C8orf34: variants seen among roughly 807,000 people sequenced by gnomAD.
The protein encoded by C8orf34 is uncharacterized protein C8orf34.
A neutral mutation model predicts 68.3 loss-of-function variants in C8orf34; 65 were observed. The observed-to-expected ratio is 0.95, with a 90% CI of 0.78 to 1.17. The LOEUF (loss-of-function observed/expected upper bound fraction) is 1.17. Among genes scored for constraint, C8orf34 ranks in the 50% most tolerant of loss-of-function variants. The pLI, the probability that C8orf34 is intolerant of heterozygous loss-of-function variation, is 0.00. For synonymous variants in C8orf34, 244 were observed against 241.2 expected (o/e 1.01, Z -0.11); for missense variants, 664 against 655.4 (o/e 1.01, Z -0.14).
chr8:68,602,185 G>T (rs1367573310), intron 7 of C8orf34, among the ~76,000 whole-genome samples: 1 of 152,134 alleles, frequency 6.6e-6, no homozygotes, highest in Admixed American at 6.6e-5. Context: ...GGGTGGAAGT[G>T]GAGTGCCAAC....
intron 10 of C8orf34, among the ~76,000 whole-genome samples, chr8:68,770,715 T>C (rs781469653): frequency 6.6e-6 from 1 of 152,180 alleles, no homozygotes; most frequent in Non-Finnish European, 1.5e-5. Flanking sequence ...ATAGTCACTT[T>C]TCAGAAAATA....
intron 10 of C8orf34, among the ~76,000 whole-genome samples, chr8:68,740,569 T>C (rs1822260248): frequency 6.6e-6 from 1 of 151,974 alleles, no homozygotes; most frequent in African/African-American, 2.4e-5. Flanking sequence ...ATGGCTATGA[T>C]TAAAAAGTCA....
At chr8:68,508,802 G>T (rs955925075) in intron 5 of C8orf34, among the ~76,000 whole-genome samples, 1 of 152,174 alleles carries the variant, frequency 6.6e-6, no homozygotes, top group Non-Finnish European at 1.5e-5. Context: ...TGGAAGCCAT[G>T]GCGACAAAAA....
chr8:68,417,275 A>C (rs930586792), intron 1 of C8orf34, among the ~76,000 whole-genome samples: 43 of 152,178 alleles, frequency 2.8e-4, no homozygotes, highest in Non-Finnish European at 5.1e-4. Flanking sequence ...ATTAAATTTT[A>C]AGTTTACTTT....
At chr8:68,680,565 A>T (rs548276599) in intron 8 of C8orf34, among the ~76,000 whole-genome samples, 55 of 152,248 alleles carry the variant, frequency 3.6e-4, no homozygotes, top group Admixed American at 1.2e-3. Context: ...AGCTACAAAG[A>T]TCACATGCTT....
chr8:68,507,535 A>G (rs1490252146), intron 5 of C8orf34, among the ~76,000 whole-genome samples: 7 of 152,196 alleles, frequency 4.6e-5, no homozygotes, highest in African/African-American at 1.7e-4. Context: ...TTGCACCTAG[A>G]GAGTGGGAAC....
At chr8:68,382,385 A>T (rs1474658887) in intron 1 of C8orf34, among the ~76,000 whole-genome samples, 1 of 152,208 alleles carries the variant, frequency 6.6e-6, no homozygotes, top group African/African-American at 2.4e-5. Flanking sequence ...GTGATACAGA[A>T]ATAATTATAC....
chr8:68,792,231 G>T (rs2129529180), intron 12 of C8orf34: 1 of 152,184 alleles, frequency 6.6e-6, no homozygotes, highest in Admixed American at 6.5e-5. Flanking sequence ...AGAAAGGAAA[G>T]AAATAAGACA....
chr8:68,424,071 C>T (rs1247491441), intron 1 of C8orf34, among the ~76,000 whole-genome samples: 1 of 152,112 alleles, frequency 6.6e-6, no homozygotes, highest in Admixed American at 6.6e-5. Context: ...CCCCTGCCTT[C>T]CATGAAATGA....
At chr8:68,552,695 G>C (rs1816113325) in intron 7 of C8orf34, among the ~76,000 whole-genome samples, 2 of 151,978 alleles carry the variant, frequency 1.3e-5, no homozygotes, top group African/African-American at 4.8e-5. Context: ...AGTATATGTT[G>C]GCTGTGGATT....
intron 5 of C8orf34, among the ~76,000 whole-genome samples, chr8:68,492,452 C>T (rs1813355351): frequency 6.6e-6 from 1 of 152,006 alleles, no homozygotes; most frequent in Non-Finnish European, 1.5e-5. Flanking sequence ...TTGTCTCAAA[C>T]TCCCGGCCTT....
intron 8 of C8orf34, among the ~76,000 whole-genome samples, chr8:68,653,421 T>A (rs1254813449): frequency 6.6e-6 from 1 of 152,202 alleles, no homozygotes; most frequent in Non-Finnish European, 1.5e-5. Flanking sequence ...TTGAGACCAA[T>A]GCTAATTTAC....
intron 7 of C8orf34, among the ~76,000 whole-genome samples, chr8:68,611,771 T>C (rs1818031213): frequency 6.6e-6 from 1 of 152,120 alleles, no homozygotes; most frequent in Non-Finnish European, 1.5e-5. Context: ...ACAATTTTGA[T>C]TAAGGGGTAA....
At chr8:68,444,285 G>A (rs1256752070) in intron 2 of C8orf34, among the ~76,000 whole-genome samples, 1 of 151,824 alleles carries the variant, frequency 6.6e-6, no homozygotes, top group African/African-American at 2.4e-5. Flanking sequence ...TTTATTCATA[G>A]GTTGGTTAGC....
chr8:68,682,757 CA>C (rs1344615347), intron 8 of C8orf34, among the ~76,000 whole-genome samples: 3 of 146,888 alleles, frequency 2.0e-5, no homozygotes, highest in Non-Finnish European at 4.6e-5. Flanking sequence ...GTGTTATTTC[CA>C]AATTTAAAAA....
chr8:68,579,796 G>A (rs896396911), intron 7 of C8orf34, among the ~76,000 whole-genome samples: 3 of 152,062 alleles, frequency 2.0e-5, no homozygotes, highest in South Asian at 4.1e-4. Flanking sequence ...GCATATGTGC[G>A]GCTACTTTCT....
intron 1 of C8orf34, among the ~76,000 whole-genome samples, chr8:68,415,817 T>G (rs1434849673): frequency 3.3e-5 from 5 of 152,210 alleles, no homozygotes; most frequent in Non-Finnish European, 5.9e-5. Context: ...CCACCAAGTC[T>G]GCCCCAAATG....
intron 10 of C8orf34, among the ~76,000 whole-genome samples, chr8:68,736,919 T>C (rs1164022278): frequency 6.6e-6 from 1 of 152,144 alleles, no homozygotes; most frequent in Non-Finnish European, 1.5e-5. Flanking sequence ...GTAATGTGGA[T>C]CTGAGTAATT....
chr8:68,481,236 C>T (rs980140421), intron 4 of C8orf34, among the ~76,000 whole-genome samples: 2 of 152,216 alleles, frequency 1.3e-5, no homozygotes, highest in East Asian at 1.9e-4. Flanking sequence ...TGAGCCTGCA[C>T]GTGCACAGAA....
Sources: allele counts gnomAD v4.1 joint callset (sites outside exome capture counted in the v4.1 genomes callset), GRCh38; gene constraint gnomAD v4.1.1; transcripts MANE v1.5; gene names NCBI Gene and HGNC (gene_info 2026-07-23, HGNC 2026-07-21).